COG1: variants seen among roughly 807,000 people sequenced by gnomAD.
The protein encoded by COG1 is conserved oligomeric Golgi complex subunit 1.
In COG1, 61 loss-of-function variants were observed where a neutral mutation model predicts 102.2. The ratio of observed to expected loss-of-function variants is 0.60; its 90% CI spans 0.49 to 0.74. The LOEUF (loss-of-function observed/expected upper bound fraction) is 0.74, where lower values mean the gene tolerates loss of function less well. Among genes scored for constraint, COG1 ranks in the 30% least tolerant of loss-of-function variants. The pLI is 0.00. For synonymous variants in COG1, 454 were observed against 493.6 expected (o/e 0.92, Z 1.06); for missense variants, 1,164 against 1,232.1 (o/e 0.94, Z 0.83).
At position 73,201,585 on chromosome 17, in the gene COG1, G is replaced by A. The variant is rs1257509619; in HGVS notation, c.1758G>A (p.Arg586=). The change falls in exon 7 of 14, where the codon CGG becomes CGA. Residue 586 remains arginine, a synonymous_variant. Transcript: ENST00000299886. ...ACIKHIVDCI[R]AELQSIEEGV... The stretch of plus-strand genomic sequence containing the variant: ...TCAAGCACATCGTGGACTGCATCCG[G>A]GCAGAGCTACAGAGCATTGAAGAGG... 6.2e-7 allele frequency: 1 copy of A among 1,614,226 alleles called. No individual in the cohort carries two copies. Among genetic ancestry groups the A allele is most frequent in the Admixed American group, 1.7e-5 (1 of 60,022 alleles).
chr17:73,207,605 G>A (rs1375638404), intron 13 of COG1: 2 of 975,322 alleles, frequency 2.1e-6, no homozygotes, highest in Non-Finnish European at 2.9e-6. Context: ...TTCTGGTGAT[G>A]ATGGTTTTAT....
intron 9 of COG1, chr17:73,205,163 AAAACAAAC>A (rs147604318): frequency 0.016 from 4,436 of 282,200 alleles, 200 homozygotes; most frequent in African/African-American, 0.092. Context: ...ACTCTATCTC[AAAACAAAC>A]AAACAAACAA....
At position 73,206,761 on chromosome 17, in the gene COG1, T is replaced by C. The variant is rs780391039; in HGVS notation, c.2673T>C (p.Ser891=). ...GTENQLAPRS[S]TFNSQEPHNI... is the part of the protein sequence containing the mutation. ...AGAATCAGCTCGCCCCCCGGAGCAG[T>C]ACGTTCAACTCCCAAGAACCCCATA... The change falls in exon 12 of 14, where the codon AGT becomes AGC. Residue 891 remains serine (S), a synonymous_variant. Coordinates refer to ENST00000299886, the MANE Select transcript of COG1 (RefSeq NM_018714.3). 9 of 1,613,054 alleles carry C rather than the reference T, an allele frequency of 5.6e-6. No homozygotes were observed. In the Admixed American group the frequency reaches 6.7e-5, roughly 12 times the overall value.
rs141152217 is a variant in COG1, at chr17:73,203,658, G to A, written c.2247G>A (p.Leu749=). 13 of 1,614,092 alleles carry A rather than the reference G, an allele frequency of 8.1e-6. No individual in the cohort carries two copies. The highest frequency in any genetic ancestry group is 2.2e-5 in the East Asian group (1 of 44,896). ...CGTCCTGGTATGTACAGTCCTTCCT[G>A]TTTAGTTTATGCCAGGAAATTAATC... ...AQPSWYVQSF[L]FSLCQEINRV... The change falls in exon 9 of 14, where the codon CTG becomes CTA. Residue 749 remains leucine (L), a synonymous_variant. Transcript: ENST00000299886.
rs763153563 is a variant in COG1 at position 73,193,333 on chromosome 17, C to A, written c.264C>A (p.Ala88=). 1 of 1,537,070 alleles carries A rather than the reference C, an allele frequency of 6.5e-7. No homozygotes were observed. Among genetic ancestry groups the A allele is most frequent in the Non-Finnish European group, 8.7e-7 (1 of 1,144,498 alleles). Residue 88 remains alanine, a synonymous_variant, in exon 1 of 14, where the codon GCC becomes GCA. Transcript: ENST00000299886. The stretch of plus-strand genomic sequence containing the variant: ...TGAAGGCCACCGACCAGTACTGCGC[C>A]CGCCTCCGCCAGGCCGGCTCGGCCG... The part of the protein sequence containing the change: ...DAVKATDQYC[A]RLRQAGSAAP...
chr17:73,195,639 C>T (rs887861393), intron 1 of COG1, among the ~76,000 whole-genome samples: 9 of 148,728 alleles, frequency 6.1e-5, no homozygotes, highest in African/African-American at 2.0e-4. Flanking sequence ...AAAGGCTGGG[C>T]GCGGTGGCTC....
At chr17:73,207,916 A>G in intron 13 of COG1, 1 of 1,187,668 alleles carries the variant, frequency 8.4e-7, no homozygotes. Context: ...TGGCTTTAAA[A>G]GTTGGGAGAT....
In COG1 at chr17:73,193,195, G is replaced by A. The variant is rs944279563; in HGVS notation, c.126G>A (p.Glu42=). 85 of 1,608,264 alleles carry A rather than the reference G, an allele frequency of 5.3e-5. No homozygotes were observed. The highest frequency in any genetic ancestry group is 7.0e-5 in the Non-Finnish European group (82 of 1,177,922). ...AGCGCCAGGTTCGGGCCGAGATCGAGCACAAGAAGGAGGAGCTGCGGCAGA... is the reference window on the plus strand; with the variant it reads ...AGCGCCAGGTTCGGGCCGAGATCGAACACAAGAAGGAGGAGCTGCGGCAGA... ...GLERQVRAEI[E]HKKEELRQMV... The change falls in exon 1 of 14, where the codon GAG becomes GAA. Residue 42 remains glutamate (E), a synonymous_variant. Transcript: ENST00000299886.
rs1456934318 is a variant in COG1 at position 73,208,416 on chromosome 17, T to G, written c.2908T>G (p.Phe970Val). The change falls in exon 14 of 14, where the codon TTC becomes GTC. Residue 970 changes from phenylalanine (F) to valine (V), a missense_variant. Physicochemically the swap from Phe to Val is conservative, Grantham distance 50. Transcript: ENST00000299886. ...AGACAACACGTCTGCACCTTCATTATTCAAACTTGGCTGGCTCTCTAGTAT... is the reference window on the plus strand; with the variant it reads ...AGACAACACGTCTGCACCTTCATTAGTCAAACTTGGCTGGCTCTCTAGTAT... Reference protein sequence around the residue: ...EEDNTSAPSLFKLGWLSSMTK With the variant: ...EEDNTSAPSLVKLGWLSSMTK 6.2e-7 allele frequency: 1 copy of G among 1,614,242 alleles called. No homozygotes were observed. Among genetic ancestry groups the G allele is most frequent in the Admixed American group, 1.7e-5 (1 of 60,030 alleles).
chr17:73,207,040 C>T, intron 12 of COG1, 141 bp from the exon 13 acceptor site: 1 of 770,992 alleles, frequency 1.3e-6, no homozygotes. Context: ...TTGCAGTGAG[C>T]CGAGATTGCG....
At chr17:73,206,476 G>A (rs947204640) in intron 11 of COG1, among the ~76,000 whole-genome samples, 1 of 152,016 alleles carries the variant, frequency 6.6e-6, no homozygotes, top group Non-Finnish European at 1.5e-5. Flanking sequence ...TGTAAATAAG[G>A]ATTATTACAG....
At position 73,207,177 on chromosome 17, in the gene COG1, G is replaced by A; in HGVS notation, c.2730-4G>A. 6.2e-7 allele frequency: 1 copy of A among 1,610,546 alleles called. No homozygotes were observed. The highest frequency in any genetic ancestry group is 8.5e-7 in the Non-Finnish European group (1 of 1,178,728). On this transcript the variant is annotated splice_region_variant and splice_polypyrimidine_tract_variant and intron_variant, in intron 12 of 13. Transcript: ENST00000299886. ...CTACTAAATTCTTTCCTCTTGTTTT[G>A]GAGGTTTGGACTTCTCCCACTGAGC...
At position 73,206,769 on chromosome 17, in the gene COG1, A is replaced by G. The variant is rs1316888457; in HGVS notation, c.2681A>G (p.Asn894Ser). Residue 894 changes from asparagine to serine, a missense_variant, in exon 12 of 14, where the codon AAC (asparagine) becomes AGC (serine). Transcript: ENST00000299886. ...NQLAPRSSTF[N>S]SQEPHNILPL... ...CTCGCCCCCCGGAGCAGTACGTTCA[A>G]CTCCCAAGAACCCCATAACATCCTG... The G allele has an allele frequency of 3.1e-6, 5 of 1,613,238 alleles. No homozygotes were observed. The Admixed American group carries it at 5.0e-5, about 16-fold the overall frequency.
intron 1 of COG1, among the ~76,000 whole-genome samples, chr17:73,194,554 C>T (rs1459513777): frequency 1.3e-5 from 2 of 151,730 alleles, no homozygotes; most frequent in Non-Finnish European, 2.9e-5. Flanking sequence ...ACCTCCGCCT[C>T]CCGGGTTCAA....
At chr17:73,205,381 G>A in intron 9 of COG1, 172 bp from the exon 10 acceptor site, 1 of 722,228 alleles carries the variant, frequency 1.4e-6, no homozygotes, top group African/African-American at 1.7e-5. Context: ...TTAAGGTCAA[G>A]TTTCTAACAA....
Position 73,203,050 on chromosome 17 carries a change from A to T in COG1, c.2124A>T (p.Ser708=), listed in dbSNP as rs889560403. Residue 708 remains serine, a synonymous_variant, in exon 8 of 14, where the codon TCA becomes TCT. Coordinates refer to ENST00000299886, the MANE Select transcript of COG1 (RefSeq NM_018714.3). ...CATTACTTCTAGATGATGCTGGCTC[A>T]GTTCTGGCCACAGCCACCAGCTGGG... ...TQSLLLDDAG[S]VLATATSWDE... is the part of the protein sequence containing the mutation. 1 of 1,614,090 alleles carries T rather than the reference A, an allele frequency of 6.2e-7. No individual in the cohort carries two copies. Among genetic ancestry groups the T allele is most frequent in the African/African-American group, 1.3e-5 (1 of 74,928 alleles).
In COG1 at chr17:73,203,766, G is replaced by A. The variant is rs760858861; in HGVS notation, c.2355G>A (p.Glu785=). The A allele has an allele frequency of 3.7e-6, 6 of 1,614,194 alleles. No homozygotes were observed. The Admixed American group carries it at 1.0e-4, about 27-fold the overall frequency. The change falls in exon 9 of 14, where the codon GAG becomes GAA. Residue 785 remains glutamate, a synonymous_variant. Coordinates refer to ENST00000299886, the MANE Select transcript of COG1 (RefSeq NM_018714.3). ...SCMVQVVAAY[E]KLSEEKQIKK... ...TGGTTCAAGTAGTAGCTGCCTATGA[G>A]AAACTCTCCGAAGAAAAACAGATTA... is the stretch of plus-strand genomic sequence containing the variant.
chr17:73,195,227 A>T (rs1472345880), intron 1 of COG1, among the ~76,000 whole-genome samples: 1 of 152,228 alleles, frequency 6.6e-6, no homozygotes, highest in Non-Finnish European at 1.5e-5. Context: ...CGTTCACATT[A>T]CAAAGAAACA....
At position 73,193,289 on chromosome 17, in the gene COG1, G is replaced by C. The variant is rs896415013; in HGVS notation, c.220G>C (p.Val74Leu). Residue 74 changes from valine (V) to leucine (L), a missense_variant, in exon 1 of 14, where the codon GTG (valine) becomes CTG (leucine). Val to Leu is a conservative substitution (Grantham distance 32). Coordinates refer to ENST00000299886, the MANE Select transcript of COG1 (RefSeq NM_018714.3). ...CATCGGCCAGATGCGCCGCTGCGCC[G>C]TGGGGCTAGTGGACGCCGTGAAGGC... is the stretch of plus-strand genomic sequence containing the variant. ...DTIGQMRRCA[V>L]GLVDAVKATD... The C allele has an allele frequency of 1.5e-5, 24 of 1,597,708 alleles. No individual in the cohort carries two copies. Among genetic ancestry groups the C allele is most frequent in the African/African-American group, 4.0e-5 (3 of 74,660 alleles).
Sources: gnomAD v4.1 joint callset for allele counts (sites outside exome capture counted in the v4.1 genomes callset) on GRCh38, gnomAD v4.1.1 for gene constraint, MANE v1.5 for transcripts, NCBI Gene and HGNC (gene_info 2026-07-23, HGNC 2026-07-21) for gene names.